ARPC1A: variants seen among roughly 807,000 people sequenced by gnomAD.
The protein encoded by ARPC1A is actin related protein 2/3 complex subunit 1A, also known as actin-related protein 2/3 complex subunit 1A.
A neutral mutation model predicts 46.9 loss-of-function variants in ARPC1A; 8 were observed. The ratio of observed to expected loss-of-function variants is 0.17; its 90% CI spans 0.10 to 0.31. ARPC1A has a LOEUF of 0.31. Among genes scored for constraint, ARPC1A ranks in the 10% least tolerant of loss-of-function variants. The probability of loss-of-function intolerance (pLI) is 1.00; values close to 1 mark genes in which losing one functional copy is unlikely to be tolerated. For missense variants in ARPC1A, 286 were observed against 483.6 expected, an observed-to-expected ratio of 0.59 and a Z score of 3.83; for synonymous variants, 152 against 169.0, an observed-to-expected ratio of 0.90 and a Z score of 0.78.
intron 1 of ARPC1A, among the ~76,000 whole-genome samples, chr7:99,331,253 G>A (rs1172086675): frequency 2.0e-5 from 3 of 151,992 alleles, no homozygotes; most frequent in African/African-American, 7.3e-5. Context: ...AAATTACCTG[G>A]GCTTGGTGGT....
At chr7:99,327,733 GTGATACTT>G (rs1244268774) in intron 1 of ARPC1A, among the ~76,000 whole-genome samples, 1 of 152,116 alleles carries the variant, frequency 6.6e-6, no homozygotes, top group African/African-American at 2.4e-5. Flanking sequence ...ACGCGGAGTG[GTGATACTT>G]TGATCTAGTT....
chr7:99,337,455 A>G (rs1310380046), intron 2 of ARPC1A, among the ~76,000 whole-genome samples: 1 of 152,080 alleles, frequency 6.6e-6, no homozygotes, highest in Non-Finnish European at 1.5e-5. Flanking sequence ...GAAATCCAAA[A>G]TGTTCCAGAG....
rs149826339 is a variant in ARPC1A at position 99,329,022 on chromosome 7, A to C, written c.-30+3018A>C. Among the ~76,000 whole-genome samples the C allele has an allele frequency of 9.6e-3, 1,449 of 151,346 alleles. 19 individuals carry two copies. The highest frequency in any genetic ancestry group is 0.033 in the African/African-American group (1,377 of 41,270). ...GAGGAAAAGAAAAGGGATGAGGGGC[A>C]GGGCGCGGTGGCTCACGCCTGTAAT... On this transcript the variant is annotated intron_variant, in intron 1 of 9. Coordinates refer to ENST00000262942, the MANE Select transcript of ARPC1A (RefSeq NM_006409.4).
In ARPC1A at chr7:99,329,172, G is replaced by A. The variant is rs543274275; in HGVS notation, c.-30+3168G>A. ...AAAAATTGGCCGGGTGTGGTGGCGG[G>A]CCCCTGTAGTCCCAGCTACTCGGGA... On this transcript the variant is annotated intron_variant, in intron 1 of 9. Coordinates refer to ENST00000262942, the MANE Select transcript of ARPC1A (RefSeq NM_006409.4). Among the ~76,000 whole-genome samples, 14 of 151,748 alleles carry A rather than the reference G, an allele frequency of 9.2e-5. No homozygotes were observed. In the East Asian group the frequency reaches 2.3e-3, roughly 25 times the overall value.
intron 4 of ARPC1A, among the ~76,000 whole-genome samples, chr7:99,345,283 A>G (rs913444005): frequency 5.3e-5 from 8 of 152,044 alleles, no homozygotes; most frequent in African/African-American, 1.9e-4. Context: ...TCTTGGTGTA[A>G]TATTTTACTT....
At chr7:99,336,481 ATTTTTTTTTTTTTTT>A (rs757908410) in intron 2 of ARPC1A, among the ~76,000 whole-genome samples, 3 of 103,188 alleles carry the variant, frequency 2.9e-5, no homozygotes, top group African/African-American at 4.2e-5. Context: ...ATAGGTCTTA[ATTTTTTTTTTTTTTT>A]TTTTTTTTTT....
At chr7:99,338,037 A>G (rs774109673) in intron 2 of ARPC1A, 144 bp from the exon 3 acceptor site, 117 of 544,712 alleles carry the variant, frequency 2.1e-4, no homozygotes, top group Non-Finnish European at 5.6e-5. Flanking sequence ...AAATGGAATT[A>G]TTCAGAGGTG....
intron 8 of ARPC1A, among the ~76,000 whole-genome samples, chr7:99,361,761 T>C (rs1365834343): frequency 2.0e-5 from 3 of 152,208 alleles, no homozygotes; most frequent in Non-Finnish European, 4.4e-5. Context: ...GCACTAGAAC[T>C]GTGTCAGCTA....
At chr7:99,355,765 G>T (rs1793617129) in intron 6 of ARPC1A, among the ~76,000 whole-genome samples, 1 of 151,888 alleles carries the variant, frequency 6.6e-6, no homozygotes, top group African/African-American at 2.4e-5. Flanking sequence ...GGCTAGTTTA[G>T]TCTGTTACTC....
chr7:99,334,840 C>G (rs1793212270), intron 2 of ARPC1A, among the ~76,000 whole-genome samples: 1 of 150,544 alleles, frequency 6.6e-6, no homozygotes, highest in Non-Finnish European at 1.5e-5. Flanking sequence ...CGCCACCACA[C>G]CTGGCTAATA....
chr7:99,343,362 A>C (rs991930422), intron 3 of ARPC1A, among the ~76,000 whole-genome samples: 3 of 151,962 alleles, frequency 2.0e-5, no homozygotes, highest in Non-Finnish European at 4.4e-5. Context: ...GCTACTCGGG[A>C]GGCTGAGGCA....
At chr7:99,354,817 A>C (rs191429350) in intron 6 of ARPC1A, among the ~76,000 whole-genome samples, 2 of 152,186 alleles carry the variant, frequency 1.3e-5, no homozygotes, top group Non-Finnish European at 2.9e-5. Flanking sequence ...CCCTGTCTCT[A>C]ATAAAAATAC....
At chr7:99,338,372 GC>G in intron 3 of ARPC1A, 87 bp downstream of exon 3, 1 of 767,308 alleles carries the variant, frequency 1.3e-6, no homozygotes, top group Non-Finnish European at 1.8e-6. Context: ...AACCCAGGTG[GC>G]CATAATTTTT....
rs771655890 is a variant in ARPC1A at position 99,362,336 on chromosome 7, CT to C, written c.984-1190del. Among the ~76,000 whole-genome samples the C allele has an allele frequency of 2.6e-3, 333 of 129,616 alleles. 5 individuals are homozygous for C. The highest frequency in any genetic ancestry group is 7.4e-3 in the Middle Eastern group (2 of 270). 85.0% of individuals were successfully genotyped at this position (129,616 alleles called of 152,430 possible). A position where few individuals can be genotyped will look rare whatever the true frequency, so the allele number is the denominator to read the frequency against. ...AATAAAAATGTAAAACCCCGCCCCCCTTTTTTTTTTTTTTTTTGAGATGGAG... is the reference window on the plus strand; with the variant it reads ...AATAAAAATGTAAAACCCCGCCCCCCTTTTTTTTTTTTTTTTGAGATGGAG... On this transcript the variant is annotated intron_variant, in intron 8 of 9. Transcript: ENST00000262942.
intron 3 of ARPC1A, 93 bp downstream of exon 3, chr7:99,338,378 A>ATT (rs754747240): frequency 0.032 from 7,658 of 240,908 alleles, 184 homozygotes; most frequent in African/African-American, 0.092. Context: ...GGTGGCCATA[A>ATT]TTTTTTTTTT....
Position 99,365,879 on chromosome 7 carries a change from A to G in ARPC1A, c.1075-12A>G. The G allele has an allele frequency of 1.9e-6, 3 of 1,570,014 alleles. No individual in the cohort carries two copies. Among genetic ancestry groups the G allele is most frequent in the Non-Finnish European group, 2.6e-6 (3 of 1,155,448 alleles). Reference sequence around the variant, plus strand: ...CCTCAGTGACATCAGTGCTCTTCCCACCTTTTCCAAGACCCTCGAGTCTTC... The same window carrying G: ...CCTCAGTGACATCAGTGCTCTTCCCGCCTTTTCCAAGACCCTCGAGTCTTC... On this transcript the variant is annotated splice_polypyrimidine_tract_variant and intron_variant, in intron 9 of 9. Transcript: ENST00000262942.
At chr7:99,329,835 G>T (rs1246484377) in intron 1 of ARPC1A, among the ~76,000 whole-genome samples, 1 of 152,122 alleles carries the variant, frequency 6.6e-6, no homozygotes, top group Admixed American at 6.6e-5. Flanking sequence ...TTTATGGCAC[G>T]TAGATATTCA....
intron 1 of ARPC1A, 114 bp from the exon 2 acceptor site, chr7:99,333,211 G>A (rs1793177401): frequency 1.4e-6 from 1 of 718,982 alleles, no homozygotes; most frequent in Non-Finnish European, 2.4e-6. Flanking sequence ...TTTTTTAATG[G>A]GAGGACAATG....
At chr7:99,335,304 G>A (rs927902719) in intron 2 of ARPC1A, 31 of 358,942 alleles carry the variant, frequency 8.6e-5, no homozygotes, top group Non-Finnish European at 1.3e-4. Context: ...CAAGATAATC[G>A]AGTTTTTCCT....
Sources: allele counts gnomAD v4.1 joint callset (sites outside exome capture counted in the v4.1 genomes callset), GRCh38; gene constraint gnomAD v4.1.1; transcripts MANE v1.5; gene names NCBI Gene and HGNC (gene_info 2026-07-23, HGNC 2026-07-21).